GLIPR1: variants seen among roughly 807,000 people sequenced by gnomAD.
GLIPR1 encodes GLI pathogenesis related 1.
A neutral mutation model predicts 30.3 loss-of-function variants in GLIPR1; 38 were observed. The ratio of observed to expected loss-of-function variants is 1.26; its 90% CI spans 0.97 to 1.65. The LOEUF (loss-of-function observed/expected upper bound fraction) is 1.65, where lower values mean the gene tolerates loss of function less well. GLIPR1 is among the 40% of genes most tolerant of loss of function. The pLI is 0.00. For missense variants in GLIPR1, 285 were observed against 326.5 expected (o/e 0.87, Z 0.98); for synonymous variants, 122 against 110.6 (o/e 1.10, Z -0.65).
chr12:75,495,785 G>C lies in GLIPR1; in HGVS notation c.619+123G>C, dbSNP rs1012437663. 5.1e-6 allele frequency: 3 copies of C among 592,148 alleles called. No individual in the cohort carries two copies. The African/African-American group carries it at 5.6e-5, about 11-fold the overall frequency. The allele number at this position is 592,148 out of a possible 1,614,324, so 36.7% of individuals were successfully genotyped here. ...TCTTCAAGGAAACTGGCATCAAGTA[G>C]CAATTAAACCAATGGCTTACTGTTC... On this transcript the variant is annotated intron_variant, in intron 4 of 5. Transcript: ENST00000266659.
chr12:75,499,862 C>T lies in GLIPR1; in HGVS notation c.*884C>T. 2.5e-6 allele frequency: 4 copies of T among 1,607,608 alleles called. No individual in the cohort carries two copies. The highest frequency in any genetic ancestry group is 3.4e-6 in the Non-Finnish European group (4 of 1,177,202). ...TCTGCCTCCATCTTAAGTGCAATTT[C>T]TTCAGCTGTAAGAGCTCCCAGTTTC... is the stretch of plus-strand genomic sequence containing the variant. On this transcript the variant is annotated 3_prime_UTR_variant, in exon 6 of 6. Transcript: ENST00000266659.
chr12:75,501,448 G>T lies in GLIPR1; in HGVS notation c.*2470G>T. 1 of 314,122 alleles carries T rather than the reference G, an allele frequency of 3.2e-6. No homozygotes were observed. Among genetic ancestry groups the T allele is most frequent in the Non-Finnish European group, 5.8e-6 (1 of 170,968 alleles). 19.5% of individuals were successfully genotyped at this position (314,122 alleles called of 1,614,324 possible). A position where few individuals can be genotyped will look rare whatever the true frequency, so the allele number is the denominator to read the frequency against. On this transcript the variant is annotated 3_prime_UTR_variant, in exon 6 of 6. Coordinates refer to ENST00000266659, the MANE Select transcript of GLIPR1 (RefSeq NM_006851.3). Reference sequence around the variant, plus strand: ...CATTTCTACAGAAGATGCACTGGCTGCCCTGGGTTTGTATCTTTCACAACA... The same window carrying T: ...CATTTCTACAGAAGATGCACTGGCTTCCCTGGGTTTGTATCTTTCACAACA...
Position 75,501,873 on chromosome 12 carries a change from A to G in GLIPR1, c.*2895A>G, listed in dbSNP as rs112980611. 1 of 1,583,862 alleles carries G rather than the reference A, an allele frequency of 6.3e-7. No individual in the cohort carries two copies. Among genetic ancestry groups the G allele is most frequent in the Admixed American group, 1.8e-5 (1 of 57,070 alleles). ...AATGTATTTATAGTTAAATAATTCA[A>G]GTATCTATGAACTTTGCTATTCATG... On this transcript the variant is annotated 3_prime_UTR_variant, in exon 6 of 6. Transcript: ENST00000266659.
rs748041135 is a variant in GLIPR1, at chr12:75,500,666, G to C, written c.*1688G>C. On this transcript the variant is annotated 3_prime_UTR_variant, in exon 6 of 6. Coordinates refer to ENST00000266659, the MANE Select transcript of GLIPR1 (RefSeq NM_006851.3). Reference sequence around the variant, plus strand: ...GCCAACTATCTAATCAATGCCAAAAGTGTGAACAAAATAGAGAAAGGAAGC... The same window carrying C: ...GCCAACTATCTAATCAATGCCAAAACTGTGAACAAAATAGAGAAAGGAAGC... The C allele has an allele frequency of 2.6e-5, 4 of 151,936 alleles. No homozygotes were observed. Among genetic ancestry groups the C allele is most frequent in the Non-Finnish European group, 5.9e-5 (4 of 67,932 alleles). The allele number at this position is 151,936 out of a possible 1,614,324, so 9.4% of individuals were successfully genotyped here.
chr12:75,495,998 TTTTTTTTTTTG>T (rs1253188182), intron 4 of GLIPR1: 7 of 70,424 alleles, frequency 9.9e-5, no homozygotes, highest in South Asian at 3.2e-4. Context: ...TCTGTTTTCG[TTTTTTTTTTTG>T]TTTTTTTTTT....
At chr12:75,481,256 C>A (rs2046269009) in intron 1 of GLIPR1, 8 of 378,300 alleles carry the variant, frequency 2.1e-5, no homozygotes, top group East Asian at 4.3e-5. Flanking sequence ...TGCCACAGCA[C>A]ATTTTACTTC....
chr12:75,486,064 C>T (rs1370632182), intron 2 of GLIPR1, among the ~76,000 whole-genome samples: 3 of 152,126 alleles, frequency 2.0e-5, no homozygotes, highest in African/African-American at 7.2e-5. Flanking sequence ...GAAGAGCTTG[C>T]TAAAAGAGAA....
At chr12:75,485,658 C>T (rs2046290727) in intron 2 of GLIPR1, among the ~76,000 whole-genome samples, 2 of 150,338 alleles carry the variant, frequency 1.3e-5, no homozygotes, top group African/African-American at 2.4e-5. Flanking sequence ...TCACGCCATT[C>T]TCCTGCCTCA....
At chr12:75,481,454 T>A (rs1368591595) in intron 1 of GLIPR1, 1 of 229,676 alleles carries the variant, frequency 4.4e-6, no homozygotes, top group East Asian at 9.8e-5. Flanking sequence ...GGGGAAAGGA[T>A]GGGATTTTGA....
intron 2 of GLIPR1, among the ~76,000 whole-genome samples, chr12:75,485,561 A>ATTTATTTT (rs766932767): frequency 4.0e-5 from 6 of 148,888 alleles, no homozygotes; most frequent in East Asian, 2.0e-4. Context: ...TTATTTATTT[A>ATTTATTTT]TTTTTTTGAG....
Position 75,501,730 on chromosome 12 carries a change from A to G in GLIPR1, c.*2752A>G. The G allele has an allele frequency of 6.3e-7, 1 of 1,598,878 alleles. No homozygotes were observed. The highest frequency in any genetic ancestry group is 8.6e-7 in the Non-Finnish European group (1 of 1,167,898). On this transcript the variant is annotated 3_prime_UTR_variant, in exon 6 of 6. Coordinates refer to ENST00000266659, the MANE Select transcript of GLIPR1 (RefSeq NM_006851.3). ...CATCATAGAAAGCATTACCTTCCTT[A>G]GGTTTCACAATTGGTTTTTCCTTAG...
chr12:75,482,626 T>C, intron 2 of GLIPR1, among the ~76,000 whole-genome samples: 1 of 151,854 alleles, frequency 6.6e-6, no homozygotes, highest in East Asian at 1.9e-4. Context: ...GGCCAACGTG[T>C]AAACTTATAT....
Position 75,499,453 on chromosome 12 carries a change from TAAAAGTA to T in GLIPR1, c.*479_*485del, listed in dbSNP as rs2046374891. ...CCTTAATTTTCTGTTCATGGACTGT[TAAAAGTA>T]AAACCAAACTTTCAAAAGGGATAAA... On this transcript the variant is annotated 3_prime_UTR_variant, in exon 6 of 6. Transcript: ENST00000266659. 6.1e-6 allele frequency: 1 copy of T among 163,910 alleles called. No individual in the cohort carries two copies. Among genetic ancestry groups the T allele is most frequent in the South Asian group, 1.9e-4 (1 of 5,286 alleles). 10.2% of individuals were successfully genotyped at this position (163,910 alleles called of 1,614,324 possible). A position where few individuals can be genotyped will look rare whatever the true frequency, so the allele number is the denominator to read the frequency against.
At chr12:75,485,823 C>T (rs552511900) in intron 2 of GLIPR1, among the ~76,000 whole-genome samples, 2 of 152,146 alleles carry the variant, frequency 1.3e-5, no homozygotes, top group East Asian at 3.9e-4. Context: ...TTTTTATACT[C>T]GCATAGAACC....
chr12:75,492,916 A>G (rs2120542607), intron 3 of GLIPR1: 1 of 152,346 alleles, frequency 6.6e-6, no homozygotes, highest in South Asian at 2.1e-4. Context: ...CCTGTTTAGA[A>G]TAATCAGGGA....
chr12:75,495,448 C>G (rs2046344414), intron 3 of GLIPR1, 129 bp from the exon 4 acceptor site: 1 of 595,486 alleles, frequency 1.7e-6, no homozygotes, highest in African/African-American at 1.9e-5. Flanking sequence ...GTCTTCACTT[C>G]TATTACCAAC....
At chr12:75,490,638 A>G (rs2046318436) in intron 3 of GLIPR1, 120 bp downstream of exon 3, 1 of 586,616 alleles carries the variant, frequency 1.7e-6, no homozygotes, top group East Asian at 2.9e-5. Context: ...TGGATAAAGT[A>G]TAAATAAAAA....
At position 75,502,293 on chromosome 12, in the gene GLIPR1, A is replaced by AATT. The variant is rs974233434; in HGVS notation, c.*3316_*3318dup. ...AAACTGGAGAGAGAGTTTTGGGGAA[A>AATT]ATTTGAAGAAGCTTCAATGGCAGAC... On this transcript the variant is annotated 3_prime_UTR_variant, in exon 6 of 6. Transcript: ENST00000266659. 1.1e-4 allele frequency: 28 copies of AATT among 255,792 alleles called. No individual in the cohort carries two copies. Among genetic ancestry groups the AATT allele is most frequent in the African/African-American group, 5.8e-4 (26 of 44,812 alleles). 15.8% of individuals were successfully genotyped at this position (255,792 alleles called of 1,614,324 possible). A position where few individuals can be genotyped will look rare whatever the true frequency, so the allele number is the denominator to read the frequency against.
At chr12:75,489,119 A>G (rs886305211) in intron 2 of GLIPR1, among the ~76,000 whole-genome samples, 4 of 152,348 alleles carry the variant, frequency 2.6e-5, no homozygotes, top group Non-Finnish European at 5.9e-5. Flanking sequence ...AAGATGGGCT[A>G]TATAATTGAA....
Sources: gnomAD v4.1 joint callset for allele counts (sites outside exome capture counted in the v4.1 genomes callset) on GRCh38, gnomAD v4.1.1 for gene constraint, MANE v1.5 for transcripts, NCBI Gene and HGNC (gene_info 2026-07-23, HGNC 2026-07-21) for gene names.